Variants in MAGEC3 observed in about 807,000 individuals in gnomAD.
The protein encoded by MAGEC3 is melanoma-associated antigen C3.
A neutral mutation model predicts 35.3 loss-of-function variants in MAGEC3; 34 were observed. The observed-to-expected ratio is 0.96, with a 90% CI of 0.73 to 1.28. The LOEUF is 1.28. Ranked by LOEUF, MAGEC3 falls within the 50% of genes most tolerant of loss-of-function variation. The pLI, the probability that MAGEC3 is intolerant of heterozygous loss-of-function variation, is 0.00. For missense variants in MAGEC3, 561 were observed against 483.6 expected (o/e 1.16, Z -1.50); for synonymous variants, 202 against 185.6 (o/e 1.09, Z -0.72).
At chrX:141,845,071 CT>C (rs985587796) in intron 1 of MAGEC3, among the ~76,000 whole-genome samples, 43 of 110,788 alleles carry the variant, frequency 3.9e-4, no homozygotes, top group African/African-American at 1.4e-3. Flanking sequence ...GTCTGAGGCA[CT>C]TTTTCGTACT....
At chrX:141,845,078 G>A (rs187148198) in intron 1 of MAGEC3, among the ~76,000 whole-genome samples, 7 of 110,715 alleles carry the variant, frequency 6.3e-5, no homozygotes, top group East Asian at 2.8e-4. Flanking sequence ...GCACTTTTTC[G>A]TACTTGGTTT....
At position 141,897,229 on chromosome X, in the gene MAGEC3, A is replaced by G. The variant is rs759396244; in HGVS notation, c.1471A>G (p.Lys491Glu). The G allele has an allele frequency of 5.8e-6, 7 of 1,210,454 alleles. No homozygotes were observed. In the East Asian group the frequency reaches 2.1e-4, roughly 36 times the overall value. The change falls in exon 7 of 8, where the codon AAG (lysine) becomes GAG (glutamate). Residue 491 changes from lysine to glutamate, a missense_variant. Transcript: ENST00000298296. ...GCTGACGACTGTCATCAAGAAGTATAAGGACTATTTTCCCATGATCTTCGG... is the reference window on the plus strand; with the variant it reads ...GCTGACGACTGTCATCAAGAAGTATGAGGACTATTTTCCCATGATCTTCGG... Reference protein sequence around the residue: ...EMLTTVIKKYKDYFPMIFGKA... With the variant: ...EMLTTVIKKYEDYFPMIFGKA...
At chrX:141,885,600 G>A (rs1378209984) in intron 4 of MAGEC3, among the ~76,000 whole-genome samples, 1 of 93,472 alleles carries the variant, frequency 1.1e-5, no homozygotes, top group Non-Finnish European at 2.1e-5. Context: ...GGAGGCAGAG[G>A]TTGCAGTGAG....
At chrX:141,851,193 C>T (rs1955472747) in intron 1 of MAGEC3, among the ~76,000 whole-genome samples, 1 of 110,471 alleles carries the variant, frequency 9.1e-6, no homozygotes, top group South Asian at 3.8e-4. Context: ...GTCCCTGTGA[C>T]AGTTGGCCTG....
intron 4 of MAGEC3, chrX:141,894,844 G>A: frequency 2.1e-6 from 2 of 935,369 alleles, no homozygotes; most frequent in Non-Finnish European, 2.7e-6. Context: ...CGAAGGGCAG[G>A]GAAGTGGACA....
chrX:141,856,381 G>T (rs1325702904), intron 1 of MAGEC3, among the ~76,000 whole-genome samples: 5 of 110,660 alleles, frequency 4.5e-5, no homozygotes, highest in Non-Finnish European at 7.6e-5. Context: ...TGCCATATTT[G>T]CAAAAAAGGA....
At chrX:141,863,833 G>T (rs1280232758) in intron 1 of MAGEC3, among the ~76,000 whole-genome samples, 1 of 111,701 alleles carries the variant, frequency 9.0e-6, no homozygotes, top group Non-Finnish European at 1.9e-5. Flanking sequence ...AAGAGATAAT[G>T]TGAAACAAAA....
At chrX:141,886,729 C>G (rs1228288632) in intron 4 of MAGEC3, among the ~76,000 whole-genome samples, 1 of 111,080 alleles carries the variant, frequency 9.0e-6, no homozygotes, top group Admixed American at 9.5e-5. Flanking sequence ...CTTGCAGAAC[C>G]CCCACATTGG....
At position 141,886,457 on chromosome X, in the gene MAGEC3, A is replaced by G. The variant is rs763720280; in HGVS notation, c.909+4661A>G. ...TCCCCAAGGACACCTCTGGCCTTCT[A>G]CTAGGGTAACTGTGCACTGGGGAAA... On this transcript the variant is annotated intron_variant, in intron 4 of 7. Coordinates refer to ENST00000298296, the MANE Select transcript of MAGEC3 (RefSeq NM_138702.1). 2.0e-3 allele frequency among the ~76,000 whole-genome samples: 224 copies of G among 110,812 alleles called. 2 individuals are homozygous for G. The highest frequency in any genetic ancestry group is 2.9e-3 in the Non-Finnish European group (156 of 52,975).
In MAGEC3 at chrX:141,894,686, C is replaced by A. The variant is rs561416647; in HGVS notation, c.910-583C>A. The A allele has an allele frequency of 1.2e-4, 120 of 967,779 alleles. No individual in the cohort carries two copies. The South Asian group carries it at 2.1e-3, about 17-fold the overall frequency. 79.8% of individuals were successfully genotyped at this position (967,779 alleles called of 1,213,427 possible). A position where few individuals can be genotyped will look rare whatever the true frequency, so the allele number is the denominator to read the frequency against. ...GCAGAGAAAGGAGCCCCGGGGCTGG[C>A]CAACAAGCAAGAAGGGAACTCTGTG... On this transcript the variant is annotated intron_variant, in intron 4 of 7. Coordinates refer to ENST00000298296, the MANE Select transcript of MAGEC3 (RefSeq NM_138702.1).
chrX:141,871,734 G>C (rs2017889099), intron 2 of MAGEC3, among the ~76,000 whole-genome samples: 1 of 111,795 alleles, frequency 8.9e-6, no homozygotes, highest in African/African-American at 3.3e-5. Flanking sequence ...ATTTGTGACA[G>C]ATTAGACATG....
intron 3 of MAGEC3, 112 bp from the exon 4 acceptor site, chrX:141,881,291 C>A: frequency 1.1e-6 from 1 of 926,550 alleles, no homozygotes; most frequent in South Asian, 2.5e-5. Flanking sequence ...CCTGAGAGTC[C>A]TCCCCAGGGT....
chrX:141,865,745 G>A, intron 2 of MAGEC3, 140 bp downstream of exon 2: 1 of 627,329 alleles, frequency 1.6e-6, no homozygotes, highest in Non-Finnish European at 2.3e-6. Context: ...TCATTTTTGG[G>A]GCCTGAGGGA....
chrX:141,881,138 C>T (rs1026726279), intron 3 of MAGEC3, among the ~76,000 whole-genome samples: 2 of 110,747 alleles, frequency 1.8e-5, no homozygotes, highest in African/African-American at 6.7e-5. Flanking sequence ...TTCCCCTCCT[C>T]TTCCTTCTCT....
intron 3 of MAGEC3, chrX:141,880,765 G>A (rs1177953067): frequency 6.4e-6 from 6 of 941,057 alleles, no homozygotes; most frequent in Non-Finnish European, 9.0e-6. Flanking sequence ...CAGGTTCCCA[G>A]GGGACAAACC....
intron 4 of MAGEC3, among the ~76,000 whole-genome samples, chrX:141,891,481 C>T (rs914117900): frequency 9.1e-6 from 1 of 109,677 alleles, no homozygotes; most frequent in Non-Finnish European, 1.9e-5. Flanking sequence ...GCTTTTCTTA[C>T]AAATAAATAC....
At chrX:141,889,097 A>T (rs1158754591) in intron 4 of MAGEC3, among the ~76,000 whole-genome samples, 1 of 111,883 alleles carries the variant, frequency 8.9e-6, no homozygotes, top group Non-Finnish European at 1.9e-5. Context: ...GCTCATGCTC[A>T]TGGAATTCGC....
chrX:141,865,153 T>G (rs1569473065), intron 1 of MAGEC3, among the ~76,000 whole-genome samples: 1 of 111,682 alleles, frequency 9.0e-6, no homozygotes, highest in East Asian at 2.8e-4. Flanking sequence ...TATAAATTTT[T>G]TTTCAACCTG....
Position 141,881,671 on chromosome X carries a change from G to C in MAGEC3, c.784G>C (p.Gly262Arg), listed in dbSNP as rs757331039. 6 of 1,211,568 alleles carry C rather than the reference G, an allele frequency of 5.0e-6. No homozygotes were observed. Among genetic ancestry groups the C allele is most frequent in the Non-Finnish European group, 6.7e-6 (6 of 895,454 alleles). Reference sequence around the variant, plus strand: ...AAACACATTAGACCTCACCTGTGAGGGGAGTCTGAGTGATGAGCAGGGCAT... The same window carrying C: ...AAACACATTAGACCTCACCTGTGAGCGGAGTCTGAGTGATGAGCAGGGCAT... Reference protein sequence around the residue: ...FVNTLDLTCEGSLSDEQGMPQ... With the variant: ...FVNTLDLTCERSLSDEQGMPQ... The change falls in exon 4 of 8, where the codon GGG becomes CGG. Residue 262 changes from glycine (G) to arginine (R), a missense_variant. Coordinates refer to ENST00000298296, the MANE Select transcript of MAGEC3 (RefSeq NM_138702.1).
Sources: allele counts gnomAD v4.1 joint callset (sites outside exome capture counted in the v4.1 genomes callset), GRCh38; gene constraint gnomAD v4.1.1; transcripts MANE v1.5; gene names NCBI Gene and HGNC (gene_info 2026-07-23, HGNC 2026-07-21).